PDCD6: variants seen among roughly 807,000 people sequenced by gnomAD.
PDCD6 encodes the protein programmed cell death protein 6.
PDCD6 carries 12 observed loss-of-function variants against 28.3 expected under a neutral mutation model. The ratio of observed to expected loss-of-function variants is 0.42; its 90% CI spans 0.27 to 0.69. The LOEUF is 0.69. Among genes scored for constraint, PDCD6 ranks in the 30% least tolerant of loss-of-function variants. The probability of loss-of-function intolerance (pLI) is 0.22; values close to 1 mark genes in which losing one functional copy is unlikely to be tolerated. For synonymous variants in PDCD6, 92 were observed against 108.0 expected, an observed-to-expected ratio of 0.85 and a Z score of 0.92; for missense variants, 226 against 269.9, an observed-to-expected ratio of 0.84 and a Z score of 1.14.
chr5:307,552 C>T lies in PDCD6; in HGVS notation c.367+792C>T, dbSNP rs1410572614. On this transcript the variant is annotated intron_variant, in intron 4 of 5. Transcript: ENST00000264933. This position sits in a 1 kb window ranked among gnomAD's most constrained non-coding sequence, Gnocchi z 6.1. ...TGTCCACGGGGCTTCCCGTGCTGCTCTCAGGGCTGAGAGGAAGCAGGGGTT... is the reference window on the plus strand; with the variant it reads ...TGTCCACGGGGCTTCCCGTGCTGCTTTCAGGGCTGAGAGGAAGCAGGGGTT... Among the ~76,000 whole-genome samples the T allele has an allele frequency of 1.3e-5, 2 of 152,184 alleles. No homozygotes were observed. The highest frequency in any genetic ancestry group is 2.9e-5 in the Non-Finnish European group (2 of 68,030).
At chr5:285,931 G>C (rs1243964149) in intron 2 of PDCD6, among the ~76,000 whole-genome samples, 3 of 151,118 alleles carry the variant, frequency 2.0e-5, no homozygotes, top group East Asian at 2.0e-4. Context: ...TTTGAGGGCT[G>C]TGCAGCTTGA....
At chr5:286,237 G>A (rs1343542063) in intron 2 of PDCD6, among the ~76,000 whole-genome samples, 21 of 151,462 alleles carry the variant, frequency 1.4e-4, no homozygotes, top group Admixed American at 1.2e-3. Flanking sequence ...CGACCTGGGC[G>A]GGAGCTGATG....
rs1740623231 is a variant in PDCD6, at chr5:307,817, A to G, written c.367+1057A>G. ...CTCCTCGTGTTTCCTCCCAGCATGC[A>G]CTTTGTGGCTGCCTTTCTTTCTCTT... On this transcript the variant is annotated intron_variant, in intron 4 of 5. Transcript: ENST00000264933. This position sits in a 1 kb window ranked among gnomAD's most constrained non-coding sequence, Gnocchi z 6.1. 6.6e-6 allele frequency among the ~76,000 whole-genome samples: 1 copy of G among 151,786 alleles called. No individual in the cohort carries two copies. The highest frequency in any genetic ancestry group is 6.6e-5 in the Admixed American group (1 of 15,264).
At chr5:290,560 C>A (rs1739257503) in intron 2 of PDCD6, among the ~76,000 whole-genome samples, 1 of 152,184 alleles carries the variant, frequency 6.6e-6, no homozygotes. Flanking sequence ...GGCACGTCAC[C>A]CTAAAAAGTT....
At chr5:309,566 T>TGTCCCCGTGTACCCCAGTGATGGCCACC in intron 4 of PDCD6, 1 of 206,796 alleles carries the variant, frequency 4.8e-6, no homozygotes, top group African/African-American at 2.7e-5. Context: ...TAATGACCTC[T>TGTCCCCGTGTACCCCAGTGATGGCCACC]GTCCCCGTGC....
intron 2 of PDCD6, among the ~76,000 whole-genome samples, chr5:275,693 G>A (rs909906536): frequency 1.3e-5 from 2 of 152,196 alleles, no homozygotes; most frequent in African/African-American, 2.4e-5. Context: ...TTGTTAGTAA[G>A]CACAGGTTTC....
intron 2 of PDCD6, among the ~76,000 whole-genome samples, chr5:283,456 A>G (rs75080125): frequency 0.042 from 4,497 of 106,464 alleles, no homozygotes; most frequent in African/African-American, 0.13. Flanking sequence ...CTGCAGACCC[A>G]GAGAGGAGCT....
intron 2 of PDCD6, among the ~76,000 whole-genome samples, chr5:299,972 G>T (rs540639708): frequency 1.8e-4 from 27 of 152,276 alleles, no homozygotes; most frequent in East Asian, 3.9e-4. Context: ...TACATGTCCA[G>T]TCCCATCACT....
intron 2 of PDCD6, among the ~76,000 whole-genome samples, chr5:299,589 G>T (rs149342787): frequency 8.0e-5 from 12 of 149,562 alleles, no homozygotes; most frequent in Non-Finnish European, 1.6e-4. Flanking sequence ...TCACTTTGTC[G>T]CCCAGGCTGG....
At chr5:271,948 C>A in intron 1 of PDCD6, 127 bp downstream of exon 1, 4 of 371,866 alleles carry the variant, frequency 1.1e-5, no homozygotes, top group East Asian at 7.2e-5. Context: ...CCTGTCGGGT[C>A]CCCCGCGGCC....
chr5:313,101 G>A (rs1055724283), intron 5 of PDCD6, among the ~76,000 whole-genome samples: 1 of 152,228 alleles, frequency 6.6e-6, no homozygotes, highest in Non-Finnish European at 1.5e-5. Context: ...TCCAGACCAC[G>A]TGGGGAGGGC....
intron 2 of PDCD6, among the ~76,000 whole-genome samples, chr5:296,796 C>G (rs1269886801): frequency 1.3e-5 from 2 of 152,112 alleles, no homozygotes; most frequent in Non-Finnish European, 2.9e-5. Context: ...GTCGAGGCCC[C>G]TCTTTGCTTC....
intron 2 of PDCD6, among the ~76,000 whole-genome samples, chr5:279,783 CA>C (rs35224887): frequency 0.035 from 2,674 of 75,498 alleles, 44 homozygotes; most frequent in African/African-American, 0.11. Flanking sequence ...AAAGTAATGG[CA>C]AAAAAAAAAA....
chr5:313,054 G>A (rs939675620), intron 5 of PDCD6, among the ~76,000 whole-genome samples: 2 of 152,204 alleles, frequency 1.3e-5, no homozygotes, highest in South Asian at 2.1e-4. Context: ...TGCAGCCAGC[G>A]TAGCTCCTCC....
rs115293283 is a variant in PDCD6, at chr5:276,509, C to T, written c.163+3737C>T. The T allele has an allele frequency of 9.1e-3, 8,844 of 976,908 alleles. 53 individuals are homozygous for T. Among genetic ancestry groups the T allele is most frequent in the Middle Eastern group, 0.015 (29 of 1,906 alleles). The allele number at this position is 976,908 out of a possible 1,614,324, so 60.5% of individuals were successfully genotyped here. A position where few individuals can be genotyped will look rare whatever the true frequency, so the allele number is the denominator to read the frequency against. ...AGAGATGGAGTCTCACTGTCTTGCT[C>T]AGGCTGGTCTCAAACTCCTAGGCTC... On this transcript the variant is annotated intron_variant, in intron 2 of 5. Coordinates refer to ENST00000264933, the MANE Select transcript of PDCD6 (RefSeq NM_013232.4).
Position 271,681 on chromosome 5 carries a change from G to C in PDCD6, c.-40G>C, listed in dbSNP as rs1224482626. 1 of 1,242,112 alleles carries C rather than the reference G, an allele frequency of 8.1e-7. No homozygotes were observed. The highest frequency in any genetic ancestry group is 1.1e-6 in the Non-Finnish European group (1 of 880,584). The allele number at this position is 1,242,112 out of a possible 1,614,324, so 76.9% of individuals were successfully genotyped here. A position where few individuals can be genotyped will look rare whatever the true frequency, so the allele number is the denominator to read the frequency against. ...GCGGAGTCGGCCTGAGAGGTCTCTC[G>C]TCGCTGCAGGCGCCTCAGCCCAGCC... On this transcript the variant is annotated 5_prime_UTR_variant, in exon 1 of 6. Coordinates refer to ENST00000264933, the MANE Select transcript of PDCD6 (RefSeq NM_013232.4).
At chr5:304,263 C>T (rs764371884) in intron 3 of PDCD6, 42 bp downstream of exon 3, 9 of 1,387,946 alleles carry the variant, frequency 6.5e-6, no homozygotes, top group Admixed American at 2.1e-5. Context: ...GCTTTGTATC[C>T]GACCCGCTTG....
In PDCD6 at chr5:272,740, C is replaced by T. The variant is rs1737913300; in HGVS notation, c.131C>T (p.Ser44Leu). ...GATAAAGACAGGAGTGGAGTGATAT[C>T]AGACACCGAGCTTCAGCAAGCTCTC... ...RVDKDRSGVI[S>L]DTELQQALSN... Residue 44 changes from serine to leucine, a missense_variant, in exon 2 of 6, where the codon TCA (serine) becomes TTA (leucine). Around this residue, in one of 3 missense-constraint regions of PDCD6, gnomAD observed 72 missense variants for 71.4 expected, o/e 1.01. Transcript: ENST00000264933. 1 of 1,588,716 alleles carries T rather than the reference C, an allele frequency of 6.3e-7. No individual in the cohort carries two copies. The highest frequency in any genetic ancestry group is 8.5e-7 in the Non-Finnish European group (1 of 1,172,226).
chr5:276,262 T>A (rs1463583634), intron 2 of PDCD6: 1 of 1,137,414 alleles, frequency 8.8e-7, no homozygotes, highest in African/African-American at 1.6e-5. Flanking sequence ...GCGCTGCTCC[T>A]GCCATTGGAT....
Sources: allele counts gnomAD v4.1 joint callset (sites outside exome capture counted in the v4.1 genomes callset), GRCh38; gene constraint gnomAD v4.1.1; regional missense constraint gnomAD v4.1.1; non-coding constraint Gnocchi (gnomAD v3.1); transcripts MANE v1.5; gene names NCBI Gene and HGNC (gene_info 2026-07-23, HGNC 2026-07-21).